Variants in SH3D21 observed in about 807,000 individuals in gnomAD.
SH3D21 encodes the protein SH3 domain-containing protein 21.
A neutral mutation model predicts 82.1 loss-of-function variants in SH3D21; 83 were observed. The ratio of observed to expected loss-of-function variants is 1.01; its 90% CI spans 0.85 to 1.21. The LOEUF (loss-of-function observed/expected upper bound fraction) is 1.21, where lower values mean the gene tolerates loss of function less well. SH3D21 is among the 50% of genes most tolerant of loss of function. The pLI is 0.00. For missense variants in SH3D21, 980 were observed against 962.1 expected (o/e 1.02, Z -0.25); for synonymous variants, 383 against 387.8 (o/e 0.99, Z 0.15).
rs371991501 is a variant in SH3D21 at position 36,307,528 on chromosome 1, C to T, written c.357C>T (p.Gly119=). 488 of 1,551,564 alleles carry T rather than the reference C, an allele frequency of 3.1e-4. No homozygotes were observed. The highest frequency in any genetic ancestry group is 4.0e-4 in the Non-Finnish European group (461 of 1,146,988). ...IVEMIKEIED[G]WWLGKKNGQL... ...TCCCCTCTCCCCAGATTGAGGACGG[C>T]TGGTGGCTGGGGAAGAAGAACGGGC... Residue 119 remains glycine, a synonymous_variant, in exon 5 of 16, where the codon GGC becomes GGT. Coordinates refer to ENST00000453908, the MANE Select transcript of SH3D21 (RefSeq NM_001162530.2). This position sits in a 1 kb window ranked among gnomAD's most constrained non-coding sequence, Gnocchi z 5.4.
chr1:36,310,854 A>AT (rs1240476717), intron 10 of SH3D21, among the ~76,000 whole-genome samples: 1 of 152,178 alleles, frequency 6.6e-6, no homozygotes, highest in Non-Finnish European at 1.5e-5. Context: ...TGAGCTTCAT[A>AT]AAAATGGTAG....
intron 10 of SH3D21, among the ~76,000 whole-genome samples, chr1:36,314,332 C>A (rs1232307491): frequency 2.0e-5 from 3 of 151,412 alleles, no homozygotes; most frequent in African/African-American, 7.3e-5. Flanking sequence ...TGTTTGGATC[C>A]TTTGCCCATT....
Position 36,319,510 on chromosome 1 carries a change from C to T in SH3D21, c.985C>T (p.Pro329Ser), listed in dbSNP as rs1054653735. Residue 329 changes from proline to serine, a missense_variant, in exon 13 of 16, where the codon CCC becomes TCC. Physicochemically the swap from Pro to Ser is moderately conservative, Grantham distance 74. Transcript: ENST00000453908. ...CCGAAAGCGATCCAAAACCCAGACT[C>T]CCCAGCAACGCTCTGTGTCCAGTCA... ...PGRKRSKTQTPQQRSVSSQEE... is the reference protein window; with the variant it reads ...PGRKRSKTQTSQQRSVSSQEE... 4 of 1,551,570 alleles carry T rather than the reference C, an allele frequency of 2.6e-6. No homozygotes were observed. The highest frequency in any genetic ancestry group is 3.5e-6 in the Non-Finnish European group (4 of 1,147,002).
At chr1:36,316,799 T>C (rs1646352934) in intron 10 of SH3D21, among the ~76,000 whole-genome samples, 1 of 150,976 alleles carries the variant, frequency 6.6e-6, no homozygotes, top group Non-Finnish European at 1.5e-5. Context: ...AGTTTTGCTC[T>C]TGTTACCCAG....
In SH3D21 at chr1:36,320,479, C is replaced by G. The variant is rs1370768402; in HGVS notation, c.1816C>G (p.Pro606Ala). Residue 606 changes from proline (P) to alanine (A), a missense_variant, in exon 14 of 16, where the codon CCC becomes GCC. Transcript: ENST00000453908. Reference sequence around the variant, plus strand: ...GAGGACCCCTGAAGAGGAGGCGCCCCCCAACGAGCAGAGGCCTCTGAGAGA... The same window carrying G: ...GAGGACCCCTGAAGAGGAGGCGCCCGCCAACGAGCAGAGGCCTCTGAGAGA... ...DERTPEEEAP[P>A]NEQRPLREEV... 1 of 1,613,856 alleles carries G rather than the reference C, an allele frequency of 6.2e-7. No homozygotes were observed. The highest frequency in any genetic ancestry group is 1.7e-5 in the Admixed American group (1 of 59,944).
Position 36,307,968 on chromosome 1 carries a change from G to A in SH3D21, c.538+5G>A. 1 of 1,551,660 alleles carries A rather than the reference G, an allele frequency of 6.4e-7. No homozygotes were observed. The highest frequency in any genetic ancestry group is 8.7e-7 in the Non-Finnish European group (1 of 1,147,004). The stretch of plus-strand genomic sequence containing the variant: ...CTCCAGACTACCTGCAGACAGGTGA[G>A]CACCCATCCAAAGGGTCCCCCACTC... On this transcript the variant is annotated splice_donor_5th_base_variant and intron_variant, in intron 7 of 15. Coordinates refer to ENST00000453908, the MANE Select transcript of SH3D21 (RefSeq NM_001162530.2). The surrounding 1 kb of genome is among the most constrained non-coding windows in gnomAD (Gnocchi z 5.4).
chr1:36,319,006 G>A (rs976574468), intron 10 of SH3D21, 65 bp from the exon 11 acceptor site: 10 of 974,202 alleles, frequency 1.0e-5, no homozygotes, highest in Non-Finnish European at 1.1e-5. Flanking sequence ...ATAGTCCCCT[G>A]CACACAGCAC....
At position 36,320,517 on chromosome 1, in the gene SH3D21, C is replaced by T. The variant is rs1185680969; in HGVS notation, c.1854C>T (p.Pro618=). The change falls in exon 14 of 16, where the codon CCC becomes CCT. Residue 618 remains proline (P), a synonymous_variant. Coordinates refer to ENST00000453908, the MANE Select transcript of SH3D21 (RefSeq NM_001162530.2). ...EQRPLREEVL[P]KEGVASKEEV... ...GGCCTCTGAGAGAGGAGGTGCTCCC[C>T]AAAGAGGGAGTGGCTTCCAAAGAGG... 6.2e-7 allele frequency: 1 copy of T among 1,614,032 alleles called. No homozygotes were observed. The highest frequency in any genetic ancestry group is 2.2e-5 in the East Asian group (1 of 44,890).
At chr1:36,313,770 GC>G (rs1276619213) in intron 10 of SH3D21, among the ~76,000 whole-genome samples, 1 of 151,382 alleles carries the variant, frequency 6.6e-6, no homozygotes, top group Non-Finnish European at 1.5e-5. Context: ...TTGCTATGTT[GC>G]CCAGGCTGAT....
In SH3D21 at chr1:36,307,018, C is replaced by T. The variant is rs1646138928; in HGVS notation, c.226+113C>T. 4.2e-6 allele frequency: 6 copies of T among 1,430,602 alleles called. No homozygotes were observed. The highest frequency in any genetic ancestry group is 5.5e-6 in the Non-Finnish European group (6 of 1,087,594). 88.6% of individuals were successfully genotyped at this position (1,430,602 alleles called of 1,614,324 possible). A position where few individuals can be genotyped will look rare whatever the true frequency, so the allele number is the denominator to read the frequency against. On this transcript the variant is annotated intron_variant, in intron 3 of 15. Transcript: ENST00000453908. This position sits in a 1 kb window ranked among gnomAD's most constrained non-coding sequence, Gnocchi z 5.4. Reference sequence around the variant, plus strand: ...GGCTCTGGGCGGGACCTCGGGGCCGCCCTGCGGTCTGTGATTGGTTCTCGA... The same window carrying T: ...GGCTCTGGGCGGGACCTCGGGGCCGTCCTGCGGTCTGTGATTGGTTCTCGA...
At chr1:36,309,695 T>C (rs1646199899) in intron 10 of SH3D21, 105 bp downstream of exon 10, 1 of 1,279,054 alleles carries the variant, frequency 7.8e-7, no homozygotes, top group Admixed American at 2.3e-5. Context: ...TATGCCCCTA[T>C]AGGAGCCCCC....
At chr1:36,316,763 C>CT (rs34474512) in intron 10 of SH3D21, among the ~76,000 whole-genome samples, 104 of 135,656 alleles carry the variant, frequency 7.7e-4, no homozygotes, top group South Asian at 1.6e-3. Context: ...AGTTCTCTCT[C>CT]TTTTTTTTTT....
Position 36,320,206 on chromosome 1 carries a change from G to C in SH3D21, c.1543G>C (p.Val515Leu), listed in dbSNP as rs1216813183. 1.8e-5 allele frequency: 29 copies of C among 1,613,302 alleles called. No homozygotes were observed. Among genetic ancestry groups the C allele is most frequent in the Middle Eastern group, 1.6e-4 (1 of 6,062 alleles). ...HFSSEEALQKVKYFVAKEDPS... is the reference protein window; with the variant it reads ...HFSSEEALQKLKYFVAKEDPS... ...CTCTTCGGAGGAAGCCCTGCAGAAG[G>C]TCAAGTACTTTGTAGCCAAAGAGGA... The change falls in exon 14 of 16, where the codon GTC becomes CTC. Residue 515 changes from valine (V) to leucine (L), a missense_variant. By Grantham distance (32) the Val-to-Leu change is conservative. Transcript: ENST00000453908.
At chr1:36,314,087 G>T (rs538455743) in intron 10 of SH3D21, among the ~76,000 whole-genome samples, 5 of 143,832 alleles carry the variant, frequency 3.5e-5, no homozygotes, top group African/African-American at 1.3e-4. Context: ...CCATTCTCCT[G>T]CCTCAGCCTC....
chr1:36,320,846 C>T lies in SH3D21; in HGVS notation c.2135+48C>T, dbSNP rs1314925666. On this transcript the variant is annotated intron_variant, in intron 14 of 15. Coordinates refer to ENST00000453908, the MANE Select transcript of SH3D21 (RefSeq NM_001162530.2). The stretch of plus-strand genomic sequence containing the variant: ...TGTGGAAGGTAGGGTTCCCCCTAGC[C>T]CTCACCTGCGCAGCCCCTCACCTCC... 3.9e-6 allele frequency: 6 copies of T among 1,550,462 alleles called. 1 individual carries two copies. In the South Asian group the frequency reaches 7.1e-5, roughly 18 times the overall value.
chr1:36,322,075 A>T, downstream of SH3D21: 1 of 1,347,444 alleles, frequency 7.4e-7, no homozygotes, highest in Non-Finnish European at 9.5e-7. Context: ...TCACCTCTTC[A>T]TCGACCCCAG....
chr1:36,319,644 T>A (rs1343900124), intron 13 of SH3D21, 31 bp from the exon 14 acceptor site: 1 of 1,555,430 alleles, frequency 6.4e-7, no homozygotes, highest in Non-Finnish European at 8.7e-7. Context: ...AGACTCAACC[T>A]CAGCTGAGAC....
downstream of SH3D21, chr1:36,328,276 G>C: frequency 5.2e-6 from 2 of 385,640 alleles, no homozygotes; most frequent in Admixed American, 5.8e-5. Context: ...GCACAGCTCT[G>C]CTCCCGGCCC....
In SH3D21 at chr1:36,320,572, A is replaced by T; in HGVS notation, c.1909A>T (p.Lys637Ter). The change falls in exon 14 of 16, where the codon AAA (lysine) becomes TAA (stop). Residue 637 changes from lysine to a stop codon, truncating the protein, a stop_gained. Coordinates refer to ENST00000453908, the MANE Select transcript of SH3D21 (RefSeq NM_001162530.2). LOFTEE classifies it high-confidence loss of function. ...EVTLKEELPP[K>*]EEVAPKEEVP... is the part of the protein sequence containing the mutation. ...GACCCTGAAAGAGGAATTGCCCCCT[A>T]AAGAGGAAGTGGCTCCAAAAGAGGA... 1 of 1,614,190 alleles carries T rather than the reference A, an allele frequency of 6.2e-7. No homozygotes were observed. The highest frequency in any genetic ancestry group is 8.5e-7 in the Non-Finnish European group (1 of 1,180,014).
Sources: allele counts gnomAD v4.1 joint callset (sites outside exome capture counted in the v4.1 genomes callset), GRCh38; gene constraint gnomAD v4.1.1; non-coding constraint Gnocchi (gnomAD v3.1); transcripts MANE v1.5; gene names NCBI Gene and HGNC (gene_info 2026-07-23, HGNC 2026-07-21).